Variants in PMFBP1 observed in about 807,000 individuals in gnomAD.
The protein encoded by PMFBP1 is polyamine modulated factor 1 binding protein 1.
PMFBP1 carries 131 observed loss-of-function variants against 137.8 expected under a neutral mutation model. The observed-to-expected ratio is 0.95, with a 90% CI of 0.82 to 1.10. The LOEUF is 1.10. PMFBP1 is among the 50% of genes least tolerant of loss of function. The pLI, the probability that PMFBP1 is intolerant of heterozygous loss-of-function variation, is 0.00. For missense variants in PMFBP1, 1,199 were observed against 1,175.4 expected (o/e 1.02, Z -0.29); for synonymous variants, 490 against 450.4 (o/e 1.09, Z -1.11).
the PMFBP1 span, among the ~76,000 whole-genome samples, chr16:72,184,007 T>G: frequency 6.6e-6 from 1 of 152,192 alleles, no homozygotes; most frequent in African/African-American, 2.4e-5. Flanking sequence ...AGTGGCTACC[T>G]CTAGAAATAT....
chr16:72,166,060 A>G (rs1023986671), intron 2 of PMFBP1, among the ~76,000 whole-genome samples: 1 of 152,170 alleles, frequency 6.6e-6, no homozygotes, highest in Non-Finnish European at 1.5e-5. Flanking sequence ...CCGGCTTTCT[A>G]CAACACTTGT....
chr16:72,121,517 C>T (rs562450604), intron 19 of PMFBP1, among the ~76,000 whole-genome samples: 2 of 152,224 alleles, frequency 1.3e-5, no homozygotes, highest in Non-Finnish European at 2.9e-5. Flanking sequence ...CCTGGGGTGC[C>T]ACGAATGGAT....
chr16:72,230,504 G>A, the PMFBP1 span, among the ~76,000 whole-genome samples: 1 of 152,082 alleles, frequency 6.6e-6, no homozygotes. Context: ...TGGACCAACT[G>A]CCTAGATGGT....
intron 9 of PMFBP1, among the ~76,000 whole-genome samples, chr16:72,134,629 C>A (rs1003679394): frequency 3.9e-5 from 6 of 152,212 alleles, no homozygotes; most frequent in African/African-American, 1.2e-4. Context: ...TCACCCCTTG[C>A]CACCCTCACA....
At chr16:72,159,589 A>G (rs374152788) in intron 3 of PMFBP1, among the ~76,000 whole-genome samples, 4 of 152,340 alleles carry the variant, frequency 2.6e-5, no homozygotes, top group African/African-American at 9.6e-5. Context: ...CACACTATAG[A>G]TATCAATGGG....
At chr16:72,214,491 G>A in the PMFBP1 span, among the ~76,000 whole-genome samples, 4 of 152,102 alleles carry the variant, frequency 2.6e-5, no homozygotes, top group Admixed American at 6.5e-5. Flanking sequence ...CCAAGCACAG[G>A]GTAGAAGGAA....
the PMFBP1 span, among the ~76,000 whole-genome samples, chr16:72,205,277 G>A: frequency 5.9e-5 from 9 of 152,378 alleles, 1 homozygote; most frequent in East Asian, 1.9e-4. Flanking sequence ...GCGTTGGTGT[G>A]GTGCTGTGGC....
chr16:72,129,152 G>A lies in PMFBP1; in HGVS notation c.1864C>T (p.Gln622Ter). ...TCATGCTCTTTGCTCTTCTTCAACT[G>A]CTCCCGTTTGTCCTCCAGAAGCTTT... ...ATKLLEDKRE[Q>*]LKKSKEHEKL... Residue 622 changes from glutamine (Q) to a stop codon, truncating the protein, a stop_gained, in exon 13 of 21, where the codon CAG becomes TAG. Coordinates refer to ENST00000237353, the MANE Select transcript of PMFBP1 (RefSeq NM_031293.3). LOFTEE classifies it high-confidence loss of function. 2 of 1,614,146 alleles carry A rather than the reference G, an allele frequency of 1.2e-6. No homozygotes were observed. Among genetic ancestry groups the A allele is most frequent in the Non-Finnish European group, 1.7e-6 (2 of 1,180,042 alleles).
the PMFBP1 span, among the ~76,000 whole-genome samples, chr16:72,182,968 G>A: frequency 6.6e-6 from 1 of 152,092 alleles, no homozygotes; most frequent in Non-Finnish European, 1.5e-5. Flanking sequence ...GAAGGTCAGT[G>A]GGGGAGGGGA....
chr16:72,129,065 C>T lies in PMFBP1; in HGVS notation c.1950+1G>A, dbSNP rs1567622571. 1.2e-6 allele frequency: 2 copies of T among 1,613,444 alleles called. No individual in the cohort carries two copies. The highest frequency in any genetic ancestry group is 1.7e-6 in the Non-Finnish European group (2 of 1,179,772). ...AGCTCTCCTGGGATTCTCCCACTCA[C>T]CGTCTTGTCTTTCTTTTTAAATTCC... On this transcript the variant is annotated splice_donor_variant, in intron 13 of 20. Transcript: ENST00000237353. LOFTEE classifies it high-confidence loss of function.
chr16:72,239,915 A>AAAAAAAAAAAAAAAAG, the PMFBP1 span, among the ~76,000 whole-genome samples: 6 of 145,046 alleles, frequency 4.1e-5, no homozygotes, highest in Admixed American at 6.8e-5. Flanking sequence ...AAAAAAAAAA[A>AAAAAAAAAAAAAAAAG]AAGAATGTTC....
chr16:72,119,375 T>C (rs757879046), intron 20 of PMFBP1, 21 bp from the exon 21 acceptor site: 128 of 1,613,400 alleles, frequency 7.9e-5, no homozygotes, highest in Admixed American at 1.2e-4. Flanking sequence ...AGGGAGGAAA[T>C]GAGAGTTTTG....
the PMFBP1 span, among the ~76,000 whole-genome samples, chr16:72,225,732 T>TAATAATAATAATAA: frequency 2.0e-5 from 3 of 147,566 alleles, no homozygotes; most frequent in South Asian, 6.4e-4. Context: ...ATAATAATAA[T>TAATAATAATAATAA]AATAATAATA....
chr16:72,125,254 T>A lies in PMFBP1; in HGVS notation c.2405A>T (p.Gln802Leu), dbSNP rs368720496. The change falls in exon 16 of 21, where the codon CAG becomes CTG. Residue 802 changes from glutamine (Q) to leucine (L), a missense_variant. Physicochemically the swap from Gln to Leu is moderately radical, Grantham distance 113 (BLOSUM62 -2). Transcript: ENST00000237353. ...TELRKLRGFHQESELEVHAFD... is the reference protein window; with the variant it reads ...TELRKLRGFHLESELEVHAFD... ...GCTCCTCACCTCCAGCTCACTCTCCTGGTGGAAGCCCCGCAGTTTTCTTAA... is the reference window on the plus strand; with the variant it reads ...GCTCCTCACCTCCAGCTCACTCTCCAGGTGGAAGCCCCGCAGTTTTCTTAA... 6.2e-7 allele frequency: 1 copy of A among 1,613,634 alleles called. No individual in the cohort carries two copies. The highest frequency in any genetic ancestry group is 1.3e-5 in the African/African-American group (1 of 74,856).
At chr16:72,236,431 G>T in the PMFBP1 span, among the ~76,000 whole-genome samples, 3 of 152,172 alleles carry the variant, frequency 2.0e-5, no homozygotes, top group Non-Finnish European at 4.4e-5. Context: ...TTGCTAGTTT[G>T]TAAGTGGGAT....
intron 20 of PMFBP1, 192 bp downstream of exon 20, chr16:72,119,659 T>C: frequency 3.5e-6 from 5 of 1,447,148 alleles, no homozygotes; most frequent in Non-Finnish European, 4.5e-6. Flanking sequence ...GCTTCAGATG[T>C]TCTTAGATCA....
the PMFBP1 span, among the ~76,000 whole-genome samples, chr16:72,203,168 G>A: frequency 6.6e-6 from 1 of 152,294 alleles, no homozygotes; most frequent in Non-Finnish European, 1.5e-5. Context: ...TTTATAAATG[G>A]CACCCAGTCT....
intron 5 of PMFBP1, among the ~76,000 whole-genome samples, chr16:72,143,415 C>G (rs1338823589): frequency 6.6e-6 from 1 of 152,154 alleles, no homozygotes; most frequent in Non-Finnish European, 1.5e-5. Context: ...AGTAAGGTGG[C>G]AGGATAAGAG....
the PMFBP1 span, among the ~76,000 whole-genome samples, chr16:72,229,591 T>G: frequency 6.6e-6 from 1 of 152,190 alleles, no homozygotes; most frequent in Admixed American, 6.5e-5. Flanking sequence ...TAGATTTGCC[T>G]TTCTCTAATG....
Sources: gnomAD v4.1 joint callset for allele counts (sites outside exome capture counted in the v4.1 genomes callset) on GRCh38, gnomAD v4.1.1 for gene constraint, MANE v1.5 for transcripts, NCBI Gene and HGNC (gene_info 2026-07-23, HGNC 2026-07-21) for gene names.